CTNNA3: variants seen among roughly 807,000 people sequenced by gnomAD.
The protein encoded by CTNNA3 is catenin alpha-3.
CTNNA3 carries 76 observed loss-of-function variants against 95.7 expected under a neutral mutation model. That is an observed-to-expected ratio of 0.79 (90% CI 0.66 to 0.96). CTNNA3 has a LOEUF of 0.96. CTNNA3 is among the 40% of genes least tolerant of loss of function. The pLI is 0.00. For synonymous variants in CTNNA3, 431 were observed against 374.4 expected, an observed-to-expected ratio of 1.15 and a Z score of -1.74; for missense variants, 1,191 against 1,089.8, an observed-to-expected ratio of 1.09 and a Z score of -1.31.
intron 14 of CTNNA3, among the ~76,000 whole-genome samples, chr10:66,080,616 T>C (rs2080719211): frequency 1.3e-5 from 2 of 152,160 alleles, no homozygotes; most frequent in African/African-American, 2.4e-5. Flanking sequence ...AAGCCAATCA[T>C]AGTTGTCAAA....
At chr10:66,912,939 A>G (rs1247028502) in intron 7 of CTNNA3, among the ~76,000 whole-genome samples, 1 of 150,368 alleles carries the variant, frequency 6.7e-6, no homozygotes, top group Non-Finnish European at 1.5e-5. Flanking sequence ...TAAAAGTTGT[A>G]TTAAGAAATG....
chr10:66,418,665 C>A (rs566041122), intron 11 of CTNNA3, among the ~76,000 whole-genome samples: 5 of 150,916 alleles, frequency 3.3e-5, no homozygotes, highest in Admixed American at 3.3e-4. Context: ...AACAGCACAT[C>A]AAAAAAATAA....
chr10:66,736,191 C>CTT (rs777713569), intron 9 of CTNNA3, among the ~76,000 whole-genome samples: 5 of 145,004 alleles, frequency 3.4e-5, no homozygotes, highest in Non-Finnish European at 6.1e-5. Flanking sequence ...GTGACGAATA[C>CTT]TTTTTTTTTT....
chr10:67,072,397 T>C (rs1220818756), intron 7 of CTNNA3, among the ~76,000 whole-genome samples: 2 of 152,246 alleles, frequency 1.3e-5, no homozygotes, highest in Non-Finnish European at 1.5e-5. Flanking sequence ...ACTTTTTCTT[T>C]TGATTATTTG....
At chr10:66,219,828 G>C (rs2088814138) in intron 13 of CTNNA3, among the ~76,000 whole-genome samples, 1 of 152,052 alleles carries the variant, frequency 6.6e-6, no homozygotes, top group Admixed American at 6.5e-5. Context: ...TGATTAATAA[G>C]ACTTAAGAAT....
chr10:66,088,581 A>G (rs538034079), intron 14 of CTNNA3, among the ~76,000 whole-genome samples: 1 of 151,284 alleles, frequency 6.6e-6, no homozygotes, highest in South Asian at 2.1e-4. Context: ...GTATCTGGGC[A>G]AACATTCTAG....
chr10:66,227,311 G>A (rs2089348582), intron 13 of CTNNA3, among the ~76,000 whole-genome samples: 1 of 151,084 alleles, frequency 6.6e-6, no homozygotes, highest in African/African-American at 2.4e-5. Context: ...TATTAGCTGT[G>A]GTTTTGTCAT....
At chr10:67,353,898 C>T (rs1842722810) in intron 5 of CTNNA3, among the ~76,000 whole-genome samples, 1 of 151,972 alleles carries the variant, frequency 6.6e-6, no homozygotes, top group African/African-American at 2.4e-5. Flanking sequence ...GCCACTGCCA[C>T]CAATGAAGCT....
In CTNNA3 at chr10:66,733,811, C is replaced by CCTAT. The variant is rs1849042661; in HGVS notation, c.1281+32449_1281+32452dup. Among the ~76,000 whole-genome samples the CCTAT allele has an allele frequency of 1.3e-5, 2 of 151,512 alleles. 1 individual carries two copies. The highest frequency in any genetic ancestry group is 4.8e-5 in the African/African-American group (2 of 41,372). ...ATTAAGATGTTGTTAAATTTTTTTG[C>CCTAT]CTATCTTTGAGGTTTCTTTTCAATG... On this transcript the variant is annotated intron_variant, in intron 9 of 17. Transcript: ENST00000433211.
intron 9 of CTNNA3, among the ~76,000 whole-genome samples, chr10:66,648,100 T>C (rs554970322): frequency 7.4e-4 from 112 of 152,270 alleles, no homozygotes; most frequent in African/African-American, 2.7e-3. Context: ...TTCCATCCCA[T>C]TGGCCCTGCT....
chr10:67,106,756 C>T (rs913062636), intron 7 of CTNNA3, among the ~76,000 whole-genome samples: 3 of 152,152 alleles, frequency 2.0e-5, no homozygotes, highest in Admixed American at 6.5e-5. Flanking sequence ...GACCCCAATG[C>T]TAAGTTCAAA....
intron 11 of CTNNA3, among the ~76,000 whole-genome samples, chr10:66,476,455 T>A (rs1839329738): frequency 6.6e-6 from 1 of 152,134 alleles, no homozygotes; most frequent in African/African-American, 2.4e-5. Context: ...ACAGCATTCT[T>A]CTTGGCTTTT....
intron 7 of CTNNA3, among the ~76,000 whole-genome samples, chr10:67,012,002 G>T (rs1454859512): frequency 6.6e-6 from 1 of 152,036 alleles, no homozygotes; most frequent in Non-Finnish European, 1.5e-5. Context: ...AACTCTATAG[G>T]CATTATCTTT....
At chr10:67,465,568 G>C (rs979408461) in intron 5 of CTNNA3, among the ~76,000 whole-genome samples, 2 of 152,072 alleles carry the variant, frequency 1.3e-5, no homozygotes, top group African/African-American at 4.8e-5. Flanking sequence ...TTCAAAAAAG[G>C]GTCCACAGCC....
intron 9 of CTNNA3, among the ~76,000 whole-genome samples, chr10:66,710,118 T>C (rs1381268437): frequency 6.6e-6 from 1 of 152,120 alleles, no homozygotes; most frequent in African/African-American, 2.4e-5. Context: ...TAAACAGATG[T>C]GAGAATTGAG....
At chr10:67,725,952 GTATA>G (rs923634974) in intron 1 of CTNNA3, among the ~76,000 whole-genome samples, 1 of 118,310 alleles carries the variant, frequency 8.5e-6, no homozygotes, top group Non-Finnish European at 1.7e-5. Flanking sequence ...TTTAGTATAT[GTATA>G]TATAATATAT....
intron 13 of CTNNA3, among the ~76,000 whole-genome samples, chr10:66,193,797 C>G (rs968845726): frequency 2.6e-5 from 4 of 152,124 alleles, no homozygotes; most frequent in African/African-American, 9.7e-5. Context: ...GGGCTATACT[C>G]TGTTTGCTAA....
intron 11 of CTNNA3, among the ~76,000 whole-genome samples, chr10:66,416,322 T>G (rs555790219): frequency 6.6e-6 from 1 of 151,810 alleles, no homozygotes; most frequent in Non-Finnish European, 1.5e-5. Flanking sequence ...GAAAAAAAAG[T>G]GATAAAATAT....
At chr10:67,696,944 C>A (rs909035817), upstream of CTNNA3, among the ~76,000 whole-genome samples, 1 of 152,174 alleles carries the variant, frequency 6.6e-6, no homozygotes, top group Admixed American at 6.5e-5. Context: ...ACAAGAGGTG[C>A]TAACTAAAAT....
Sources: gnomAD v4.1 joint callset for allele counts (sites outside exome capture counted in the v4.1 genomes callset) on GRCh38, gnomAD v4.1.1 for gene constraint, MANE v1.5 for transcripts, NCBI Gene and HGNC (gene_info 2026-07-23, HGNC 2026-07-21) for gene names.